Variants in SLC30A6 observed in about 807,000 individuals in gnomAD.
The protein encoded by SLC30A6 is solute carrier family 30 member 6, also known as zinc transporter 6.
A neutral mutation model predicts 63.0 loss-of-function variants in SLC30A6; 55 were observed. The ratio of observed to expected loss-of-function variants is 0.87; its 90% CI spans 0.70 to 1.09. SLC30A6 has a LOEUF of 1.09. SLC30A6 is among the 50% of genes least tolerant of loss of function. The pLI, the probability that SLC30A6 is intolerant of heterozygous loss-of-function variation, is 0.00. For missense variants in SLC30A6, 587 were observed against 549.2 expected, an observed-to-expected ratio of 1.07 and a Z score of -0.69; for synonymous variants, 224 against 186.1, an observed-to-expected ratio of 1.20 and a Z score of -1.66.
At chr2:32,213,586 A>G (rs462878) in intron 13 of SLC30A6, among the ~76,000 whole-genome samples, 113,221 of 151,842 alleles carry the variant, frequency 0.75, 42,496 homozygotes, top group African/African-American at 0.81. Flanking sequence ...GGTTTTCATA[A>G]GGGTACTAGG....
intron 5 of SLC30A6, among the ~76,000 whole-genome samples, chr2:32,190,822 C>T (rs1170333467): frequency 3.9e-5 from 6 of 152,152 alleles, no homozygotes; most frequent in East Asian, 1.9e-4. Context: ...GACTGGGTTT[C>T]GCCATGTTAG....
At chr2:32,180,406 G>A (rs1682191677) in intron 4 of SLC30A6, among the ~76,000 whole-genome samples, 2 of 144,948 alleles carry the variant, frequency 1.4e-5, no homozygotes, top group Non-Finnish European at 1.5e-5. Flanking sequence ...CTGATACCCT[G>A]TCTCAAAAAA....
chr2:32,166,393 C>T (rs1157695630), intron 1 of SLC30A6, among the ~76,000 whole-genome samples: 4 of 151,906 alleles, frequency 2.6e-5, no homozygotes, highest in South Asian at 2.1e-4. Context: ...AGCCTGATTA[C>T]GGCAGCAAAT....
intron 13 of SLC30A6, 102 bp downstream of exon 13, chr2:32,209,663 A>G: frequency 2.2e-6 from 2 of 895,594 alleles, no homozygotes; most frequent in South Asian, 3.5e-5. Context: ...AGAGCCTTTG[A>G]TTCCTAGTTA....
chr2:32,188,833 C>T (rs1470893935), intron 5 of SLC30A6, among the ~76,000 whole-genome samples: 1 of 152,192 alleles, frequency 6.6e-6, no homozygotes, highest in Admixed American at 6.5e-5. Flanking sequence ...CCCAAAACCT[C>T]CCTTCGTGTC....
At chr2:32,197,647 T>C (rs1573353521) in intron 9 of SLC30A6, 60 bp from the exon 10 acceptor site, 1 of 1,606,888 alleles carries the variant, frequency 6.2e-7, no homozygotes, top group East Asian at 2.2e-5. Flanking sequence ...TTTTACAAGG[T>C]TGTCACCAGT....
intron 13 of SLC30A6, among the ~76,000 whole-genome samples, chr2:32,219,796 T>C (rs548927617): frequency 6.6e-6 from 1 of 152,350 alleles, no homozygotes; most frequent in East Asian, 1.9e-4. Flanking sequence ...TACATTTTCA[T>C]TGCTTTTCCC....
intron 13 of SLC30A6, among the ~76,000 whole-genome samples, chr2:32,210,537 A>C (rs1035328109): frequency 2.0e-4 from 27 of 137,242 alleles, no homozygotes; most frequent in Admixed American, 9.5e-4. Context: ...AAAAAAAAAA[A>C]ACAACAGAAA....
rs888859534 is a variant in SLC30A6, at chr2:32,223,868, C to A, written c.*3155C>A. The A allele has an allele frequency of 6.6e-6, 1 of 152,096 alleles. No individual in the cohort carries two copies. Among genetic ancestry groups the A allele is most frequent in the Admixed American group, 6.6e-5 (1 of 15,266 alleles). 9.4% of individuals were successfully genotyped at this position (152,096 alleles called of 1,614,324 possible). On this transcript the variant is annotated 3_prime_UTR_variant, in exon 14 of 14. Transcript: ENST00000282587. ...AAAGAATGGGAAACATCTTCCCTTT[C>A]TTCTTTAATCTCTGAAGTCATGTTT...
chr2:32,175,393 G>A, intron 4 of SLC30A6, 32 bp downstream of exon 4: 2 of 1,593,392 alleles, frequency 1.3e-6, no homozygotes, highest in Non-Finnish European at 1.7e-6. Flanking sequence ...ATGTTTTGGA[G>A]CTAATAAGGA....
chr2:32,165,884 C>G lies in SLC30A6; in HGVS notation c.-17C>G, dbSNP rs750663102. 2.2e-5 allele frequency: 36 copies of G among 1,614,008 alleles called. No individual in the cohort carries two copies. In the Admixed American group the frequency reaches 3.5e-4, roughly 16 times the overall value. On this transcript the variant is annotated 5_prime_UTR_variant, in exon 1 of 14. Coordinates refer to ENST00000282587, the MANE Select transcript of SLC30A6 (RefSeq NM_017964.5). ...CACCCAGAACGGCTTCCGGCGGGAG[C>G]TGTGCAGCTCCTTATCATGGTGAGT...
chr2:32,184,251 ATTTATT>A lies in SLC30A6; in HGVS notation c.219-18_219-13del. 2.1e-6 allele frequency: 3 copies of A among 1,403,542 alleles called. No homozygotes were observed. Among genetic ancestry groups the A allele is most frequent in the Non-Finnish European group, 2.9e-6 (3 of 1,032,416 alleles). 86.9% of individuals were successfully genotyped at this position (1,403,542 alleles called of 1,614,324 possible). A position where few individuals can be genotyped will look rare whatever the true frequency, so the allele number is the denominator to read the frequency against. On this transcript the variant is annotated splice_polypyrimidine_tract_variant and intron_variant, in intron 4 of 13. Transcript: ENST00000282587. The stretch of plus-strand genomic sequence containing the variant: ...TGTTCTCTTCTAGTTCTAATACTAA[ATTTATT>A]TTTCTTTTTACTTAGTTTAATGACA...
At chr2:32,183,285 A>C (rs1682504418) in intron 4 of SLC30A6, among the ~76,000 whole-genome samples, 2 of 152,202 alleles carry the variant, frequency 1.3e-5, no homozygotes, top group Non-Finnish European at 2.9e-5. Context: ...CTAGGGAGAC[A>C]GACTCTTGTC....
rs1387725337 is a variant in SLC30A6, at chr2:32,201,999, A to G, written c.666-2591A>G. The G allele has an allele frequency of 7.9e-6, 10 of 1,265,206 alleles. No homozygotes were observed. The Admixed American group carries it at 1.4e-4, about 17-fold the overall frequency. The allele number at this position is 1,265,206 out of a possible 1,614,324, so 78.4% of individuals were successfully genotyped here. A position where few individuals can be genotyped will look rare whatever the true frequency, so the allele number is the denominator to read the frequency against. ...CTCATAAGTCAAGAAGAAAAGATCT[A>G]CTGAATGAGATATTGATGAATATGA... On this transcript the variant is annotated intron_variant, in intron 10 of 13. Transcript: ENST00000282587.
intron 5 of SLC30A6, among the ~76,000 whole-genome samples, chr2:32,188,926 A>G (rs1683078269): frequency 6.6e-6 from 1 of 152,186 alleles, no homozygotes; most frequent in African/African-American, 2.4e-5. Flanking sequence ...AATCCTGTAG[A>G]TGGAATATAG....
chr2:32,195,711 A>T (rs1683729690), intron 8 of SLC30A6, among the ~76,000 whole-genome samples: 1 of 149,842 alleles, frequency 6.7e-6, no homozygotes, highest in Admixed American at 6.7e-5. Flanking sequence ...TTATTTATTT[A>T]TTTATTTTTT....
chr2:32,219,664 G>C (rs937858857), intron 13 of SLC30A6, among the ~76,000 whole-genome samples: 3 of 151,856 alleles, frequency 2.0e-5, no homozygotes, highest in African/African-American at 7.3e-5. Context: ...TCGAACTCCT[G>C]ACCTCAGGTA....
chr2:32,193,087 T>C lies in SLC30A6; in HGVS notation c.401+134T>C, dbSNP rs1363867016. ...TTTTGCTGGTATTTCACAAACAAAA[T>C]TCCCTAATACTAAGACTCCGTTTCT... On this transcript the variant is annotated intron_variant, in intron 7 of 13. Transcript: ENST00000282587. 16 of 528,126 alleles carry C rather than the reference T, an allele frequency of 3.0e-5. No individual in the cohort carries two copies. In the East Asian group the frequency reaches 5.7e-4, roughly 19 times the overall value. 32.7% of individuals were successfully genotyped at this position (528,126 alleles called of 1,614,324 possible). A position where few individuals can be genotyped will look rare whatever the true frequency, so the allele number is the denominator to read the frequency against.
intron 13 of SLC30A6, among the ~76,000 whole-genome samples, chr2:32,212,583 C>CTTTTTTTTTTTTTTTTTTTTT (rs1193348947): frequency 1.2e-5 from 1 of 83,022 alleles, no homozygotes; most frequent in Non-Finnish European, 2.4e-5. Context: ...CCATTTTTAC[C>CTTTTTTTTTTTTTTTTTTTTT]TTTTTTTTTT....
Sources: allele counts gnomAD v4.1 joint callset (sites outside exome capture counted in the v4.1 genomes callset), GRCh38; gene constraint gnomAD v4.1.1; transcripts MANE v1.5; gene names NCBI Gene and HGNC (gene_info 2026-07-23, HGNC 2026-07-21).